The following MIGA1 variants were observed in gnomAD, a reference collection of about 807,000 sequenced individuals.
The protein encoded by MIGA1 is mitoguardin 1.
Under a neutral mutation model 82.0 loss-of-function variants are expected in MIGA1, and 58 were observed. The observed-to-expected ratio is 0.71, with a 90% CI of 0.57 to 0.88. MIGA1 has a LOEUF of 0.88. Among genes scored for constraint, MIGA1 ranks in the 40% least tolerant of loss-of-function variants. The pLI, the probability that MIGA1 is intolerant of heterozygous loss-of-function variation, is 0.00. For missense variants in MIGA1, 751 were observed against 749.1 expected, an observed-to-expected ratio of 1.00 and a Z score of -0.03; for synonymous variants, 249 against 253.6, an observed-to-expected ratio of 0.98 and a Z score of 0.17.
At chr1:77,824,744 A>G (rs1241511293) in intron 7 of MIGA1, among the ~76,000 whole-genome samples, 2 of 152,262 alleles carry the variant, frequency 1.3e-5, no homozygotes, top group South Asian at 2.1e-4. Context: ...CATCTTTACA[A>G]TGTTTCCTAT....
At chr1:77,843,856 T>C (rs1293522381) in intron 8 of MIGA1, among the ~76,000 whole-genome samples, 3 of 151,974 alleles carry the variant, frequency 2.0e-5, no homozygotes, top group Non-Finnish European at 4.4e-5. Flanking sequence ...CCCAGTACTT[T>C]AGGAGGCTGA....
intron 4 of MIGA1, among the ~76,000 whole-genome samples, chr1:77,806,719 T>C (rs1683113989): frequency 6.6e-6 from 1 of 152,208 alleles, no homozygotes; most frequent in African/African-American, 2.4e-5. Context: ...TAAACATAAC[T>C]GCCTGATTTC....
intron 3 of MIGA1, among the ~76,000 whole-genome samples, chr1:77,802,044 G>A (rs573906781): frequency 6.6e-6 from 1 of 152,224 alleles, no homozygotes; most frequent in African/African-American, 2.4e-5. Context: ...TCCTTAGTAT[G>A]TAGAGTTCAA....
chr1:77,782,780 T>TC (rs756813512), intron 1 of MIGA1: 17 of 677,174 alleles, frequency 2.5e-5, no homozygotes, highest in Non-Finnish European at 2.9e-5. Flanking sequence ...GTCAGTGAAC[T>TC]CTGAGGTTCT....
At chr1:77,844,135 T>TATATATATATATATATAG (rs1376030825) in intron 8 of MIGA1, among the ~76,000 whole-genome samples, 2 of 112,530 alleles carry the variant, frequency 1.8e-5, no homozygotes, top group African/African-American at 7.7e-5. Flanking sequence ...TATATATATA[T>TATATATATATATATATAG]ATAGATAGAT....
intron 7 of MIGA1, among the ~76,000 whole-genome samples, chr1:77,823,474 G>C (rs1030267362): frequency 4.6e-5 from 7 of 152,190 alleles, no homozygotes; most frequent in Admixed American, 2.0e-4. Context: ...ATGGTGTTAA[G>C]CTAAGCTTAA....
intron 7 of MIGA1, among the ~76,000 whole-genome samples, chr1:77,835,170 GT>G: frequency 6.6e-6 from 1 of 152,288 alleles, no homozygotes; most frequent in East Asian, 1.9e-4. Context: ...AGGACTTCTA[GT>G]TTTCTTTAAA....
chr1:77,784,965 C>T (rs995034356), intron 2 of MIGA1, among the ~76,000 whole-genome samples: 4 of 152,106 alleles, frequency 2.6e-5, no homozygotes, highest in Admixed American at 2.0e-4. Context: ...AGTTACCTAC[C>T]ATTGGGTCCC....
intron 1 of MIGA1, among the ~76,000 whole-genome samples, chr1:77,782,495 C>CATGT (rs1391276200): frequency 6.6e-6 from 1 of 151,784 alleles, no homozygotes; most frequent in African/African-American, 2.4e-5. Flanking sequence ...GCATCAATAC[C>CATGT]ATGTAAATTT....
At chr1:77,797,080 C>T (rs1454943121) in intron 2 of MIGA1, among the ~76,000 whole-genome samples, 1 of 152,172 alleles carries the variant, frequency 6.6e-6, no homozygotes, top group East Asian at 1.9e-4. Flanking sequence ...TTTCCTTTTA[C>T]CATAATGCAT....
chr1:77,824,934 C>T (rs146329060), intron 7 of MIGA1, among the ~76,000 whole-genome samples: 2 of 151,358 alleles, frequency 1.3e-5, no homozygotes, highest in Non-Finnish European at 2.9e-5. Flanking sequence ...AGTGCTAGTG[C>T]ACCAAGAGTT....
intron 3 of MIGA1, among the ~76,000 whole-genome samples, chr1:77,802,790 A>G (rs1194608764): frequency 6.8e-6 from 1 of 146,362 alleles, no homozygotes; most frequent in Non-Finnish European, 1.5e-5. Context: ...CAAAAAAAGG[A>G]AAAAAAAAAA....
At chr1:77,862,902 G>T (rs984108074) in intron 12 of MIGA1, among the ~76,000 whole-genome samples, 2 of 147,278 alleles carry the variant, frequency 1.4e-5, no homozygotes, top group Non-Finnish European at 3.0e-5. Context: ...GATCGTGCCA[G>T]TGCACTCCAG....
chr1:77,864,867 G>A (rs903838166), intron 13 of MIGA1, among the ~76,000 whole-genome samples: 30 of 152,048 alleles, frequency 2.0e-4, no homozygotes, highest in African/African-American at 7.0e-4. Flanking sequence ...GTTTTTGTTG[G>A]GCTTTAAGTG....
At chr1:77,818,122 ATT>A (rs757391899) in intron 7 of MIGA1, among the ~76,000 whole-genome samples, 23 of 134,858 alleles carry the variant, frequency 1.7e-4, no homozygotes, top group Admixed American at 3.0e-4. Flanking sequence ...CGTCCTGCTA[ATT>A]TTTTTTTTTT....
chr1:77,814,497 A>T (rs959624117), intron 6 of MIGA1, among the ~76,000 whole-genome samples: 1 of 152,132 alleles, frequency 6.6e-6, no homozygotes, highest in African/African-American at 2.4e-5. Flanking sequence ...CCTGGGCTCA[A>T]TCAATTCTTC....
rs917245652 is a variant in MIGA1 at position 77,879,206 on chromosome 1, G to A, written c.*4142G>A. The A allele has an allele frequency of 5.9e-5, 9 of 152,246 alleles. No homozygotes were observed. The highest frequency in any genetic ancestry group is 1.7e-4 in the African/African-American group (7 of 41,444). The allele number at this position is 152,246 out of a possible 1,614,324, so 9.4% of individuals were successfully genotyped here. A position where few individuals can be genotyped will look rare whatever the true frequency, so the allele number is the denominator to read the frequency against. On this transcript the variant is annotated 3_prime_UTR_variant, in exon 16 of 16. Transcript: ENST00000370791. ...ATTTCAAAATGATTATAGGAATTAA[G>A]CTGAATTCTAATTTTTTTGCTTAGA...
intron 4 of MIGA1, 117 bp from the exon 5 acceptor site, chr1:77,806,858 A>G: frequency 1.4e-6 from 1 of 694,708 alleles, no homozygotes. Flanking sequence ...TCATGTGGAA[A>G]TTACATGGAT....
At chr1:77,835,825 C>T (rs1238307983) in intron 7 of MIGA1, among the ~76,000 whole-genome samples, 6 of 151,982 alleles carry the variant, frequency 3.9e-5, no homozygotes, top group Admixed American at 2.6e-4. Flanking sequence ...GTGCACACCT[C>T]TAATTCCGGC....
Sources: allele counts gnomAD v4.1 joint callset (sites outside exome capture counted in the v4.1 genomes callset), GRCh38; gene constraint gnomAD v4.1.1; transcripts MANE v1.5; gene names NCBI Gene and HGNC (gene_info 2026-07-23, HGNC 2026-07-21).